The following ARID5B variants were observed in gnomAD, a reference collection of about 807,000 sequenced individuals.
The protein encoded by ARID5B is AT-rich interactive domain-containing protein 5B.
A neutral mutation model predicts 97.2 loss-of-function variants in ARID5B; 13 were observed. The observed-to-expected ratio is 0.13, with a 90% confidence interval of 0.09 to 0.21. The LOEUF is 0.21. Among genes scored for constraint, ARID5B ranks in the 10% least tolerant of loss-of-function variants. ARID5B has a pLI of 1.00. For missense variants in ARID5B, 1,210 were observed against 1,465.3 expected (o/e 0.83, Z 2.84); for synonymous variants, 556 against 570.3 (o/e 0.97, Z 0.36).
intron 2 of ARID5B, among the ~76,000 whole-genome samples, chr10:61,932,030 G>A (rs1056308041): frequency 1.4e-4 from 21 of 152,062 alleles, no homozygotes; most frequent in African/African-American, 4.8e-4. Flanking sequence ...TGAAAATATG[G>A]GTTCACACAA....
At chr10:61,982,099 C>T (rs144223955) in intron 3 of ARID5B, among the ~76,000 whole-genome samples, 149 of 152,300 alleles carry the variant, frequency 9.8e-4, no homozygotes, top group African/African-American at 3.4e-3. Flanking sequence ...TTGGAAGAAG[C>T]AGTATAGAGT....
At chr10:61,950,102 G>C (rs988593327) in intron 3 of ARID5B, among the ~76,000 whole-genome samples, 3 of 152,116 alleles carry the variant, frequency 2.0e-5, no homozygotes, top group African/African-American at 7.2e-5. Context: ...CTGCCTTCCG[G>C]GTTCAAGTGA....
intron 4 of ARID5B, among the ~76,000 whole-genome samples, chr10:62,009,742 C>CA (rs890892590): frequency 6.6e-6 from 1 of 152,180 alleles, no homozygotes; most frequent in African/African-American, 2.4e-5. Context: ...TGCCATATAA[C>CA]AGACACTACG....
chr10:62,044,284 T>C (rs1188138658), intron 4 of ARID5B, among the ~76,000 whole-genome samples: 2 of 152,144 alleles, frequency 1.3e-5, no homozygotes, highest in African/African-American at 4.8e-5. Flanking sequence ...CCATTAGTGA[T>C]TGGGGTTGTC....
chr10:62,008,061 A>ACACAC (rs1360080055), intron 4 of ARID5B, among the ~76,000 whole-genome samples: 3 of 66,530 alleles, frequency 4.5e-5, no homozygotes, highest in Admixed American at 1.9e-4. Flanking sequence ...CCCGCCCCAC[A>ACACAC]ACACACACAC....
At chr10:61,946,176 T>C (rs1226463655) in intron 3 of ARID5B, among the ~76,000 whole-genome samples, 1 of 151,882 alleles carries the variant, frequency 6.6e-6, no homozygotes, top group Non-Finnish European at 1.5e-5. Context: ...TCAAATACTC[T>C]TGGTTAAAAA....
chr10:61,938,675 G>A (rs966580409), intron 2 of ARID5B, among the ~76,000 whole-genome samples: 6 of 152,142 alleles, frequency 3.9e-5, no homozygotes, highest in Admixed American at 3.3e-4. Context: ...TTGAGCGCAC[G>A]ATAGAAACAC....
chr10:62,076,224 G>A lies in ARID5B; in HGVS notation c.1199+6427G>A, dbSNP rs189010815. On this transcript the variant is annotated intron_variant, in intron 8 of 9. Coordinates refer to ENST00000279873, the MANE Select transcript of ARID5B (RefSeq NM_032199.3). ...CATCACAAGATCTGAGTCAAAGGCC[G>A]TACACACATGGAAGAGAGTTATATC... Among the ~76,000 whole-genome samples the A allele has an allele frequency of 3.1e-3, 465 of 152,214 alleles. 6 individuals carry two copies. Among genetic ancestry groups the A allele is most frequent in the African/African-American group, 0.011 (437 of 41,536 alleles).
intron 3 of ARID5B, among the ~76,000 whole-genome samples, chr10:61,958,273 G>A (rs894760282): frequency 1.3e-5 from 2 of 151,924 alleles, no homozygotes; most frequent in African/African-American, 2.4e-5. Context: ...TTTTTGAGAC[G>A]GATTCTTGTG....
rs754026680 is a variant in ARID5B, at chr10:62,085,714, A to G, written c.1212A>G (p.Pro404=). ...TRRHYERLIL[P]YERFIKGEED... ...GTTAACCTTTTAGATTAATCCTACC[A>G]TATGAAAGATTTATTAAAGGAGAAG... The change falls in exon 9 of 10, where the codon CCA becomes CCG. Residue 404 remains proline, a synonymous_variant. Transcript: ENST00000279873. 1.2e-6 allele frequency: 2 copies of G among 1,607,562 alleles called. No homozygotes were observed. Among genetic ancestry groups the G allele is most frequent in the Non-Finnish European group, 1.7e-6 (2 of 1,178,282 alleles).
intron 3 of ARID5B, among the ~76,000 whole-genome samples, chr10:61,965,267 C>T (rs532702754): frequency 2.6e-5 from 4 of 152,200 alleles, no homozygotes; most frequent in East Asian, 1.9e-4. Flanking sequence ...ATATTTCAAA[C>T]GTACATCTCC....
intron 3 of ARID5B, among the ~76,000 whole-genome samples, chr10:61,987,823 G>A (rs1017758311): frequency 6.6e-6 from 1 of 152,206 alleles, no homozygotes; most frequent in Non-Finnish European, 1.5e-5. Flanking sequence ...GGGATCTGTA[G>A]CACTGGTAAC....
chr10:62,059,951 C>A (rs1313384452), intron 7 of ARID5B, among the ~76,000 whole-genome samples: 1 of 152,088 alleles, frequency 6.6e-6, no homozygotes, highest in Non-Finnish European at 1.5e-5. Flanking sequence ...AGATTAAAAT[C>A]TTTAAATAAG....
chr10:62,033,418 T>G (rs1839522207), intron 4 of ARID5B, among the ~76,000 whole-genome samples: 1 of 152,238 alleles, frequency 6.6e-6, no homozygotes, highest in South Asian at 2.1e-4. Context: ...CAAGATAAGT[T>G]CTTCCTTTTG....
At chr10:61,910,070 T>C (rs576460493) in intron 2 of ARID5B, among the ~76,000 whole-genome samples, 1 of 152,350 alleles carries the variant, frequency 6.6e-6, no homozygotes, top group South Asian at 2.1e-4. Flanking sequence ...TTCAGGCTGA[T>C]GGTCTTAACT....
At chr10:62,003,590 T>C (rs1427129573) in intron 4 of ARID5B, among the ~76,000 whole-genome samples, 2 of 152,180 alleles carry the variant, frequency 1.3e-5, no homozygotes, top group African/African-American at 4.8e-5. Flanking sequence ...CACTATCCTT[T>C]GGGTGGGTTT....
chr10:62,008,272 A>C (rs1839172995), intron 4 of ARID5B, among the ~76,000 whole-genome samples: 1 of 152,196 alleles, frequency 6.6e-6, no homozygotes. Context: ...CCTGTTTCAC[A>C]GATAAGGACA....
intron 9 of ARID5B, among the ~76,000 whole-genome samples, chr10:62,089,800 T>C (rs181093474): frequency 3.5e-4 from 54 of 152,236 alleles, no homozygotes; most frequent in African/African-American, 1.2e-3. Flanking sequence ...AGTGCTGAGA[T>C]TACAGGCACA....
intron 7 of ARID5B, among the ~76,000 whole-genome samples, chr10:62,065,289 G>T (rs1244018586): frequency 1.3e-5 from 2 of 152,098 alleles, no homozygotes; most frequent in African/African-American, 4.8e-5. Flanking sequence ...TTGCGTTATG[G>T]TTAATTGTGT....
Sources: gnomAD v4.1 joint callset for allele counts (sites outside exome capture counted in the v4.1 genomes callset) on GRCh38, gnomAD v4.1.1 for gene constraint, MANE v1.5 for transcripts, NCBI Gene and HGNC (gene_info 2026-07-23, HGNC 2026-07-21) for gene names.